AGT: variants seen among roughly 807,000 people sequenced by gnomAD.
AGT encodes angiotensinogen.
A neutral mutation model predicts 28.1 loss-of-function variants in AGT; 26 were observed. The observed-to-expected ratio is 0.92, with a 90% CI of 0.68 to 1.28. The LOEUF (loss-of-function observed/expected upper bound fraction) is 1.28. Among genes scored for constraint, AGT ranks in the 50% most tolerant of loss-of-function variants. The pLI is 0.00. For missense variants in AGT, 596 were observed against 592.3 expected, an observed-to-expected ratio of 1.01 and a Z score of -0.06; for synonymous variants, 259 against 259.6, an observed-to-expected ratio of 1.00 and a Z score of 0.02.
chr1:230,743,970 G>A (rs1283194115), intron 1 of AGT, among the ~76,000 whole-genome samples: 1 of 152,250 alleles, frequency 6.6e-6, no homozygotes, highest in Non-Finnish European at 1.5e-5. Flanking sequence ...TTCATTTCAT[G>A]TAGAAATCAC....
At chr1:230,716,495 T>C (rs568671294), upstream of AGT, among the ~76,000 whole-genome samples, 3 of 152,222 alleles carry the variant, frequency 2.0e-5, no homozygotes, top group Admixed American at 6.5e-5. Flanking sequence ...AAATCTCCAA[T>C]TGTAGCTCCC....
chr1:230,704,113 T>C, intron 4 of AGT, 80 bp downstream of exon 4: 1 of 1,607,986 alleles, frequency 6.2e-7, no homozygotes, highest in South Asian at 1.1e-5. Flanking sequence ...CATAGCCTCC[T>C]CTGTGTCCCT....
At chr1:230,718,439 T>C (rs970823674), upstream of AGT, among the ~76,000 whole-genome samples, 1 of 152,174 alleles carries the variant, frequency 6.6e-6, no homozygotes, top group African/African-American at 2.4e-5. Flanking sequence ...CAATGTGACA[T>C]TTTTAAGTAT....
chr1:230,718,910 G>A (rs770404186), upstream of AGT, among the ~76,000 whole-genome samples: 2 of 151,936 alleles, frequency 1.3e-5, no homozygotes, highest in African/African-American at 2.4e-5. Flanking sequence ...GTACTTTTTT[G>A]TAGAGACAGG....
At chr1:230,744,285 T>C (rs1664301601) in intron 1 of AGT, among the ~76,000 whole-genome samples, 1 of 152,220 alleles carries the variant, frequency 6.6e-6, no homozygotes, top group African/African-American at 2.4e-5. Context: ...CACCCAAGAA[T>C]GCCATCTGCT....
chr1:230,709,914 T>A (rs1297706235), intron 2 of AGT, 81 bp downstream of exon 2: 3 of 1,599,826 alleles, frequency 1.9e-6, no homozygotes, highest in Non-Finnish European at 2.6e-6. Context: ...CCTGCCCATC[T>A]CCAAGGCCTG....
intron 3 of AGT, among the ~76,000 whole-genome samples, chr1:230,705,082 G>A (rs990066721): frequency 1.6e-4 from 24 of 151,878 alleles, no homozygotes; most frequent in Non-Finnish European, 3.4e-4. Flanking sequence ...GGTGGTTGCC[G>A]GGGCCAAGGG....
At chr1:230,719,375 T>A (rs1663799001), upstream of AGT, among the ~76,000 whole-genome samples, 2 of 146,308 alleles carry the variant, frequency 1.4e-5, no homozygotes, top group African/African-American at 5.3e-5. Context: ...GCACATTTCT[T>A]TCTATTTTTT....
chr1:230,714,980 A>G (rs1470018286), upstream of AGT, among the ~76,000 whole-genome samples: 1 of 152,108 alleles, frequency 6.6e-6, no homozygotes, highest in Non-Finnish European at 1.5e-5. Context: ...GCAGGTTGGG[A>G]GTGGTGATGT....
At chr1:230,705,813 G>T in intron 3 of AGT, 120 bp downstream of exon 3, 1 of 1,348,608 alleles carries the variant, frequency 7.4e-7, no homozygotes, top group Non-Finnish European at 1.0e-6. Context: ...CCGTGCCACC[G>T]CGGCCCTGCC....
intron 1 of AGT, among the ~76,000 whole-genome samples, chr1:230,724,222 G>A: frequency 6.6e-6 from 1 of 152,144 alleles, no homozygotes; most frequent in East Asian, 1.9e-4. Context: ...TTATTACATG[G>A]CCCTTTATAG....
intron 2 of AGT, among the ~76,000 whole-genome samples, chr1:230,706,679 A>G (rs1355048651): frequency 6.6e-6 from 1 of 152,148 alleles, no homozygotes; most frequent in African/African-American, 2.4e-5. Context: ...CCCCCACTAC[A>G]CAGCCTCCCC....
chr1:230,712,066 T>C (rs1345259364), intron 1 of AGT, among the ~76,000 whole-genome samples: 3 of 152,184 alleles, frequency 2.0e-5, no homozygotes, highest in Admixed American at 2.0e-4. Context: ...ATTGATTCAT[T>C]CAATTCTAAC....
At chr1:230,734,864 C>T (rs1005317621) in intron 1 of AGT, among the ~76,000 whole-genome samples, 24 of 152,042 alleles carry the variant, frequency 1.6e-4, no homozygotes, top group Admixed American at 2.6e-4. Flanking sequence ...CGCCTGCCAC[C>T]ACGCCTGGCT....
chr1:230,732,161 T>A (rs745610558), intron 1 of AGT, among the ~76,000 whole-genome samples: 1 of 152,136 alleles, frequency 6.6e-6, no homozygotes, highest in South Asian at 2.1e-4. Context: ...TTTTGTTGTT[T>A]GTTTGTTTAT....
At chr1:230,722,881 G>A (rs1663874583) in intron 1 of AGT, among the ~76,000 whole-genome samples, 1 of 152,170 alleles carries the variant, frequency 6.6e-6, no homozygotes, top group Non-Finnish European at 1.5e-5. Flanking sequence ...GCCTCTGGGG[G>A]ACTGTTGGGA....
intron 1 of AGT, among the ~76,000 whole-genome samples, chr1:230,737,937 C>T (rs749016374): frequency 1.4e-4 from 21 of 152,016 alleles, no homozygotes; most frequent in Non-Finnish European, 2.9e-4. Context: ...CTTCCTGTCT[C>T]CATAGATTTC....
At chr1:230,712,115 G>T (rs975856224) in intron 1 of AGT, among the ~76,000 whole-genome samples, 4 of 152,176 alleles carry the variant, frequency 2.6e-5, no homozygotes, top group Admixed American at 2.6e-4. Context: ...GTGGAGGGGG[G>T]TGTACTGCAA....
At position 230,703,326 on chromosome 1, in the gene AGT, G is replaced by C; in HGVS notation, c.1246C>G (p.Leu416Val). The stretch of plus-strand genomic sequence containing the variant: ...TCAAGCTCAAAAAAAATGCTGTTCA[G>C]CACCTGCAAAGCAGCAGACATCAGG... ...SNDRIRVGEVLNSIFFELEAD... is the reference protein window; with the variant it reads ...SNDRIRVGEVVNSIFFELEAD... Residue 416 changes from leucine to valine, a missense_variant, in exon 5 of 5, where the codon CTG becomes GTG. Leu to Val is a conservative substitution (Grantham distance 32, BLOSUM62 1). Transcript: ENST00000366667. The C allele has an allele frequency of 6.2e-7, 1 of 1,614,218 alleles. No homozygotes were observed. Among genetic ancestry groups the C allele is most frequent in the South Asian group, 1.1e-5 (1 of 91,086 alleles).
Sources: allele counts gnomAD v4.1 joint callset (sites outside exome capture counted in the v4.1 genomes callset), GRCh38; gene constraint gnomAD v4.1.1; transcripts MANE v1.5; gene names NCBI Gene and HGNC (gene_info 2026-07-23, HGNC 2026-07-21).